LRRTM4: variants seen among roughly 807,000 people sequenced by gnomAD.
LRRTM4 encodes leucine rich repeat transmembrane neuronal 4.
Under a neutral mutation model 47.6 loss-of-function variants are expected in LRRTM4, and 25 were observed. The observed-to-expected ratio is 0.53, with a 90% confidence interval of 0.38 to 0.73. The LOEUF is 0.73. Among genes scored for constraint, LRRTM4 ranks in the 30% least tolerant of loss-of-function variants. The pLI is 0.00. For missense variants in LRRTM4, 638 were observed against 713.4 expected, an observed-to-expected ratio of 0.89 and a Z score of 1.20; for synonymous variants, 311 against 269.5, an observed-to-expected ratio of 1.15 and a Z score of -1.51.
intron 3 of LRRTM4, among the ~76,000 whole-genome samples, chr2:76,901,747 G>C (rs754867166): frequency 1.3e-5 from 2 of 152,192 alleles, no homozygotes; most frequent in African/African-American, 2.4e-5. Context: ...TCTTCTCCTT[G>C]TTGAGTGGGG....
intron 3 of LRRTM4, among the ~76,000 whole-genome samples, chr2:77,235,579 C>A (rs1338943103): frequency 6.6e-6 from 1 of 152,022 alleles, no homozygotes; most frequent in African/African-American, 2.4e-5. Context: ...ATAGTCATAA[C>A]TGATTTTCCA....
chr2:76,927,554 A>T (rs185952233), intron 3 of LRRTM4, among the ~76,000 whole-genome samples: 1 of 152,138 alleles, frequency 6.6e-6, no homozygotes, highest in African/African-American at 2.4e-5. Context: ...TAGTTTTCCA[A>T]AAGTCATGTA....
At chr2:77,120,960 T>G (rs1313341835) in intron 3 of LRRTM4, among the ~76,000 whole-genome samples, 1 of 151,752 alleles carries the variant, frequency 6.6e-6, no homozygotes, top group Non-Finnish European at 1.5e-5. Context: ...GGAATGATTT[T>G]AAAGCAAACC....
intron 3 of LRRTM4, among the ~76,000 whole-genome samples, chr2:77,446,697 A>T (rs1018682199): frequency 6.6e-6 from 1 of 152,136 alleles, no homozygotes; most frequent in Admixed American, 6.6e-5. Context: ...TTCAGCCATA[A>T]CAAGACAGCA....
At chr2:77,266,264 G>A (rs1422161579) in intron 3 of LRRTM4, among the ~76,000 whole-genome samples, 1 of 152,102 alleles carries the variant, frequency 6.6e-6, no homozygotes, top group Non-Finnish European at 1.5e-5. Context: ...ACACAATAAA[G>A]GAGTATTATT....
intron 3 of LRRTM4, among the ~76,000 whole-genome samples, chr2:77,189,167 A>C (rs1673595019): frequency 6.6e-6 from 1 of 152,214 alleles, no homozygotes; most frequent in Non-Finnish European, 1.5e-5. Context: ...AATAAAAAGT[A>C]AAACCTACCA....
chr2:77,178,456 C>T (rs959700326), intron 3 of LRRTM4, among the ~76,000 whole-genome samples: 8 of 151,898 alleles, frequency 5.3e-5, no homozygotes, highest in African/African-American at 7.3e-5. Context: ...CGTGGTGGCG[C>T]GTGCCTGTAT....
chr2:77,068,035 T>C (rs1029386595), intron 3 of LRRTM4, among the ~76,000 whole-genome samples: 2 of 152,102 alleles, frequency 1.3e-5, no homozygotes, highest in African/African-American at 4.8e-5. Flanking sequence ...AGTTATAAAT[T>C]AATACATTTT....
chr2:77,008,977 T>C (rs1677769353), intron 3 of LRRTM4: 1 of 149,638 alleles, frequency 6.7e-6, no homozygotes, highest in Non-Finnish European at 1.5e-5. Context: ...GAAATGCAGC[T>C]AAACAGTTTT....
intron 3 of LRRTM4, among the ~76,000 whole-genome samples, chr2:76,753,502 G>A (rs1020235972): frequency 1.3e-5 from 2 of 151,986 alleles, no homozygotes; most frequent in African/African-American, 2.4e-5. Context: ...GTATGTTCTG[G>A]TTTTCTAAAA....
chr2:76,857,860 C>G (rs1344773642), intron 3 of LRRTM4, among the ~76,000 whole-genome samples: 1 of 151,842 alleles, frequency 6.6e-6, no homozygotes, highest in Admixed American at 6.6e-5. Flanking sequence ...CAAAATGTCC[C>G]AACAATGAAG....
At chr2:76,999,078 T>C (rs1405683103) in intron 3 of LRRTM4, among the ~76,000 whole-genome samples, 1 of 152,112 alleles carries the variant, frequency 6.6e-6, no homozygotes, top group African/African-American at 2.4e-5. Context: ...ATTATTGTTG[T>C]TACTGTTGTT....
In LRRTM4 at chr2:77,105,495, A is replaced by C. The variant is rs1274864587; in HGVS notation, c.1552-356579T>G. The stretch of plus-strand genomic sequence containing the variant: ...GGACACAGGAAGGGGAACATCACAC[A>C]CCGGGGCCTGTTGTGGGGTGGGGGG... On this transcript the variant is annotated intron_variant, in intron 3 of 3. Transcript: ENST00000409884. 2.6e-5 allele frequency among the ~76,000 whole-genome samples: 3 copies of C among 114,758 alleles called. No individual in the cohort carries two copies. In the East Asian group the frequency reaches 8.6e-4, roughly 33 times the overall value. The allele number at this position is 114,758 out of a possible 152,430, so 75.3% of individuals were successfully genotyped here.
chr2:77,452,385 A>G (rs1676291658), intron 3 of LRRTM4, among the ~76,000 whole-genome samples: 1 of 152,158 alleles, frequency 6.6e-6, no homozygotes, highest in South Asian at 2.1e-4. Flanking sequence ...GAGATAAGAA[A>G]ATGTTGAGGG....
At chr2:76,856,052 G>A (rs192223483) in intron 3 of LRRTM4, among the ~76,000 whole-genome samples, 125 of 152,218 alleles carry the variant, frequency 8.2e-4, no homozygotes, top group Non-Finnish European at 1.4e-3. Context: ...CAAGGTGGGC[G>A]GATTACCTGA....
At chr2:76,758,315 T>A (rs564629457) in intron 3 of LRRTM4, among the ~76,000 whole-genome samples, 1 of 152,304 alleles carries the variant, frequency 6.6e-6, no homozygotes, top group East Asian at 1.9e-4. Flanking sequence ...GTGAAGTGAT[T>A]GAATTTCTTT....
chr2:77,488,081 C>CGAGAAGGAGGGAAGA (rs1558766897), intron 3 of LRRTM4, among the ~76,000 whole-genome samples: 1 of 152,090 alleles, frequency 6.6e-6, no homozygotes, highest in Non-Finnish European at 1.5e-5. Context: ...TTGCAGGCAA[C>CGAGAAGGAGGGAAGA]GAGAAGGAGG....
intron 3 of LRRTM4, among the ~76,000 whole-genome samples, chr2:76,965,640 T>A (rs1676000762): frequency 6.6e-6 from 1 of 151,380 alleles, no homozygotes; most frequent in Non-Finnish European, 1.5e-5. Flanking sequence ...TGACTTAGCC[T>A]GATTTTAGCT....
At chr2:76,913,141 C>T (rs1219559404) in intron 3 of LRRTM4, among the ~76,000 whole-genome samples, 1 of 152,170 alleles carries the variant, frequency 6.6e-6, no homozygotes, top group Non-Finnish European at 1.5e-5. Flanking sequence ...TATATCTTTA[C>T]ATCTGTCTTT....
Sources: allele counts gnomAD v4.1 joint callset (sites outside exome capture counted in the v4.1 genomes callset), GRCh38; gene constraint gnomAD v4.1.1; transcripts MANE v1.5; gene names NCBI Gene and HGNC (gene_info 2026-07-23, HGNC 2026-07-21).